PPIL4: variants seen among roughly 807,000 people sequenced by gnomAD.
The protein encoded by PPIL4 is peptidylprolyl isomerase like 4, also known as peptidyl-prolyl cis-trans isomerase-like 4.
In PPIL4, 50 loss-of-function variants were observed where a neutral mutation model predicts 69.1. The ratio of observed to expected loss-of-function variants is 0.72; its 90% CI spans 0.58 to 0.92. The LOEUF (loss-of-function observed/expected upper bound fraction) is 0.92. Among genes scored for constraint, PPIL4 ranks in the 40% least tolerant of loss-of-function variants. The pLI is 0.00. For missense variants in PPIL4, 480 were observed against 587.9 expected, an observed-to-expected ratio of 0.82 and a Z score of 1.90; for synonymous variants, 193 against 191.6, an observed-to-expected ratio of 1.01 and a Z score of -0.06.
intron 11 of PPIL4, among the ~76,000 whole-genome samples, chr6:149,513,412 A>AATATATATATATATATAT (rs1200919281): frequency 7.2e-5 from 4 of 55,326 alleles, no homozygotes; most frequent in African/African-American, 3.0e-4. Flanking sequence ...AAAAAAAAAA[A>AATATATATATATATATAT]ATATATATAT....
chr6:149,520,816 C>G (rs1158051809), intron 10 of PPIL4, among the ~76,000 whole-genome samples: 2 of 152,078 alleles, frequency 1.3e-5, no homozygotes, highest in African/African-American at 4.8e-5. Context: ...AGTTCGAGAC[C>G]AGCCTGGCCA....
In PPIL4 at chr6:149,543,864, T is replaced by A. The variant is rs375117159; in HGVS notation, c.70+2072A>T. 1.2e-4 allele frequency among the ~76,000 whole-genome samples: 19 copies of A among 152,362 alleles called. No individual in the cohort carries two copies. In the South Asian group the frequency reaches 3.9e-3, roughly 32 times the overall value. On this transcript the variant is annotated intron_variant, in intron 1 of 12. Coordinates refer to ENST00000253329, the MANE Select transcript of PPIL4 (RefSeq NM_139126.4). ...ATGTGGACATGAGAGTTCATTTACATGATTCTCTCTACATCTGTGTTTTAA... is the reference window on the plus strand; with the variant it reads ...ATGTGGACATGAGAGTTCATTTACAAGATTCTCTCTACATCTGTGTTTTAA...
intron 9 of PPIL4, among the ~76,000 whole-genome samples, chr6:149,522,773 C>A (rs1371036910): frequency 6.6e-6 from 1 of 152,070 alleles, no homozygotes; most frequent in Non-Finnish European, 1.5e-5. Context: ...CCACCATGCC[C>A]AGCTAATTTT....
rs1373626539 is a variant in PPIL4 at position 149,504,874 on chromosome 6, A to C, written c.*579T>G. On this transcript the variant is annotated 3_prime_UTR_variant, in exon 13 of 13. Coordinates refer to ENST00000253329, the MANE Select transcript of PPIL4 (RefSeq NM_139126.4). ...CCATCAAGAATGAATAAGTTGTAGT[A>C]TATTTATATAATACTATATAGCAAT... 6.6e-6 allele frequency: 1 copy of C among 152,268 alleles called. No individual in the cohort carries two copies. Among genetic ancestry groups the C allele is most frequent in the Non-Finnish European group, 1.5e-5 (1 of 68,052 alleles). The allele number at this position is 152,268 out of a possible 1,614,324, so 9.4% of individuals were successfully genotyped here.
intron 6 of PPIL4, 30 bp from the exon 7 acceptor site, chr6:149,533,604 AT>A (rs777008479): frequency 8.0e-7 from 1 of 1,245,350 alleles, no homozygotes; most frequent in South Asian, 1.3e-5. Context: ...TCATGTATAT[AT>A]TTAAAGAATA....
At chr6:149,536,449 G>C (rs1777276823) in intron 4 of PPIL4, among the ~76,000 whole-genome samples, 1 of 152,194 alleles carries the variant, frequency 6.6e-6, no homozygotes, top group South Asian at 2.1e-4. Context: ...AGTTGTAAAT[G>C]CAAAGGAAAA....
At chr6:149,541,744 T>TCA (rs1777366168) in intron 1 of PPIL4, among the ~76,000 whole-genome samples, 158 bp from the exon 2 acceptor site, 1 of 152,194 alleles carries the variant, frequency 6.6e-6, no homozygotes, top group Admixed American at 6.5e-5. Flanking sequence ...GGGCGCTGGC[T>TCA]CACACCTGTA....
At chr6:149,511,527 G>C (rs914140787) in intron 12 of PPIL4, among the ~76,000 whole-genome samples, 3 of 151,950 alleles carry the variant, frequency 2.0e-5, no homozygotes, top group African/African-American at 7.3e-5. Context: ...TACCTGCCTC[G>C]GCCTCCCAAA....
chr6:149,540,689 C>T (rs777191319), intron 4 of PPIL4, among the ~76,000 whole-genome samples: 5 of 152,096 alleles, frequency 3.3e-5, no homozygotes, highest in African/African-American at 9.7e-5. Flanking sequence ...GTGATAATCA[C>T]GGATGGTGGA....
intron 4 of PPIL4, among the ~76,000 whole-genome samples, chr6:149,539,663 T>G (rs576280052): frequency 9.2e-5 from 14 of 152,284 alleles, no homozygotes; most frequent in African/African-American, 3.4e-4. Context: ...TACAGATGTA[T>G]GCTACCACGC....
chr6:149,521,267 T>C (rs1483825950), intron 9 of PPIL4, 96 bp from the exon 10 acceptor site: 2 of 771,854 alleles, frequency 2.6e-6, no homozygotes, highest in Admixed American at 4.7e-5. Flanking sequence ...GTTACAAAAA[T>C]TAATGTTTGA....
chr6:149,517,454 T>C lies in PPIL4; in HGVS notation c.983-4A>G. 1.4e-6 allele frequency: 2 copies of C among 1,475,154 alleles called. No homozygotes were observed. Among genetic ancestry groups the C allele is most frequent in the Non-Finnish European group, 1.8e-6 (2 of 1,088,306 alleles). 91.4% of individuals were successfully genotyped at this position (1,475,154 alleles called of 1,614,324 possible). A position where few individuals can be genotyped will look rare whatever the true frequency, so the allele number is the denominator to read the frequency against. ...TCACTCTTGGTGTATTTCCCACCTA[T>C]TTATTAAGAAAAGAAAAAAAGAGCT... On this transcript the variant is annotated splice_region_variant and splice_polypyrimidine_tract_variant and intron_variant, in intron 10 of 12. Coordinates refer to ENST00000253329, the MANE Select transcript of PPIL4 (RefSeq NM_139126.4).
chr6:149,539,381 C>CTTAT (rs554531179), intron 4 of PPIL4, among the ~76,000 whole-genome samples: 7 of 152,064 alleles, frequency 4.6e-5, no homozygotes, highest in Non-Finnish European at 7.4e-5. Flanking sequence ...CTTCTGTTGT[C>CTTAT]TTATTTATTT....
Position 149,525,170 on chromosome 6 carries a change from G to C in PPIL4, c.843C>G (p.Leu281=), listed in dbSNP as rs17710991. ...VIRDWKTGES[L]CYAFIEFEKE... Reference sequence around the variant, plus strand: ...TTTCAAATTCAATAAAAGCGTAACAGAGGGACTCTCCTGTCTTCCAGTCTC... The same window carrying C: ...TTTCAAATTCAATAAAAGCGTAACACAGGGACTCTCCTGTCTTCCAGTCTC... Residue 281 remains leucine, a synonymous_variant, in exon 9 of 13, where the codon CTC becomes CTG. Coordinates refer to ENST00000253329, the MANE Select transcript of PPIL4 (RefSeq NM_139126.4). 13,173 of 1,567,354 alleles carry C rather than the reference G, an allele frequency of 8.4e-3. 96 individuals carry two copies. Among genetic ancestry groups the C allele is most frequent in the Middle Eastern group, 0.011 (63 of 5,924 alleles).
intron 4 of PPIL4, among the ~76,000 whole-genome samples, chr6:149,539,081 A>G (rs1329183223): frequency 6.6e-6 from 1 of 152,154 alleles, no homozygotes; most frequent in Non-Finnish European, 1.5e-5. Flanking sequence ...TCCTGACCTC[A>G]GGTGATCCGC....
At chr6:149,533,833 C>A (rs1445815685) in intron 6 of PPIL4, among the ~76,000 whole-genome samples, 1 of 152,032 alleles carries the variant, frequency 6.6e-6, no homozygotes, top group Non-Finnish European at 1.5e-5. Flanking sequence ...TATATTAATT[C>A]TAAAATATTA....
intron 11 of PPIL4, 46 bp downstream of exon 11, chr6:149,517,308 G>T: frequency 9.9e-7 from 1 of 1,011,274 alleles, no homozygotes; most frequent in African/African-American, 1.6e-5. Flanking sequence ...TCTACACATA[G>T]CAGATGGTCA....
chr6:149,512,920 C>A (rs1427286109), intron 11 of PPIL4, among the ~76,000 whole-genome samples: 1 of 151,618 alleles, frequency 6.6e-6, no homozygotes, highest in Non-Finnish European at 1.5e-5. Flanking sequence ...TTTTTTGTGT[C>A]TTTAGTAGAA....
At chr6:149,533,426 C>T (rs756440709) in intron 7 of PPIL4, 32 bp downstream of exon 7, 2 of 1,170,434 alleles carry the variant, frequency 1.7e-6, no homozygotes, top group Admixed American at 3.4e-5. Context: ...AGATATATTA[C>T]AGAACAATTT....
Sources: allele counts gnomAD v4.1 joint callset (sites outside exome capture counted in the v4.1 genomes callset), GRCh38; gene constraint gnomAD v4.1.1; transcripts MANE v1.5; gene names NCBI Gene and HGNC (gene_info 2026-07-23, HGNC 2026-07-21).